The following EDC3 variants were observed in gnomAD, a reference collection of about 807,000 sequenced individuals.
The protein encoded by EDC3 is enhancer of mRNA-decapping protein 3.
EDC3 carries 20 observed loss-of-function variants against 41.8 expected under a neutral mutation model. That is an observed-to-expected ratio of 0.48 (90% CI 0.34 to 0.70). The LOEUF (loss-of-function observed/expected upper bound fraction) is 0.70. Among genes scored for constraint, EDC3 ranks in the 30% least tolerant of loss-of-function variants. The pLI is 0.01. For missense variants in EDC3, 444 were observed against 636.8 expected (o/e 0.70, Z 3.26); for synonymous variants, 206 against 243.2 (o/e 0.85, Z 1.42).
intron 1 of EDC3, among the ~76,000 whole-genome samples, chr15:74,687,367 T>C (rs1442082677): frequency 6.6e-6 from 1 of 152,116 alleles, no homozygotes; most frequent in Non-Finnish European, 1.5e-5. Context: ...ATACAGGCTT[T>C]TTTTTGTTAC....
At chr15:74,693,292 C>G (rs1485104848) in intron 1 of EDC3, among the ~76,000 whole-genome samples, 1 of 152,190 alleles carries the variant, frequency 6.6e-6, no homozygotes, top group African/African-American at 2.4e-5. Flanking sequence ...TATTATAGAA[C>G]TCCTGTGAGG....
chr15:74,633,613 G>C (rs2062238340), intron 6 of EDC3, among the ~76,000 whole-genome samples: 1 of 152,192 alleles, frequency 6.6e-6, no homozygotes, highest in Non-Finnish European at 1.5e-5. Context: ...ATTAGAAAAG[G>C]ATGTCTCAAC....
In EDC3 at chr15:74,671,460, T is replaced by C. The variant is rs1392162214; in HGVS notation, c.479A>G (p.Asn160Ser). The C allele has an allele frequency of 1.2e-6, 2 of 1,607,924 alleles. No individual in the cohort carries two copies. Among genetic ancestry groups the C allele is most frequent in the Non-Finnish European group, 1.7e-6 (2 of 1,174,876 alleles). Residue 160 changes from asparagine (N) to serine (S), a missense_variant, in exon 3 of 7, where the codon AAC (asparagine) becomes AGC (serine). Asn to Ser is a conservative substitution (Grantham distance 46). Coordinates refer to ENST00000315127, the MANE Select transcript of EDC3 (RefSeq NM_025083.5). This position sits in a 1 kb window ranked among gnomAD's most constrained non-coding sequence, Gnocchi z 4.6. ...ATCAACTTGACCCTACTTACAGGAG[T>C]TGTGCCGACGACGGAAACTTTTGGA... is the stretch of plus-strand genomic sequence containing the variant. ...SQSKSFRRRHNSWSSSSRHPN... is the reference protein window; with the variant it reads ...SQSKSFRRRHSSWSSSSRHPN...
intron 1 of EDC3, among the ~76,000 whole-genome samples, chr15:74,690,345 T>C (rs1423316775): frequency 6.6e-6 from 1 of 152,220 alleles, no homozygotes; most frequent in South Asian, 2.1e-4. Flanking sequence ...GATAAGCCTT[T>C]GGATAACAAA....
intron 3 of EDC3, among the ~76,000 whole-genome samples, chr15:74,667,793 T>A (rs1299247019): frequency 6.6e-6 from 1 of 151,612 alleles, no homozygotes; most frequent in East Asian, 1.9e-4. Context: ...AAGAGAGGAA[T>A]CTCTGGCATA....
intron 3 of EDC3, among the ~76,000 whole-genome samples, chr15:74,664,133 CAGGTCAGTA>C (rs1233860270): frequency 2.0e-5 from 3 of 152,214 alleles, no homozygotes; most frequent in Admixed American, 2.0e-4. Context: ...ACTGACATCA[CAGGTCAGTA>C]AGAGAAAGAT....
intron 6 of EDC3, 166 bp downstream of exon 6, chr15:74,635,243 A>C (rs755682568): frequency 9.7e-6 from 7 of 719,680 alleles, no homozygotes; most frequent in African/African-American, 5.2e-5. Flanking sequence ...GGAGAAGCAT[A>C]AGGGGATGGG....
intron 5 of EDC3, 123 bp downstream of exon 5, chr15:74,640,343 C>G (rs2062334367): frequency 7.1e-6 from 8 of 1,125,622 alleles, no homozygotes; most frequent in Non-Finnish European, 1.0e-5. Context: ...CAGAGAGACA[C>G]TCCCATCAGA....
At position 74,671,592 on chromosome 15, in the gene EDC3, T is replaced by G; in HGVS notation, c.347A>C (p.Asn116Thr). ...CTTCACATCTGTCCTCTTAGGGATA[T>G]TCTGAGGGGCACTGCTGGAAGAGGC... is the stretch of plus-strand genomic sequence containing the variant. The part of the protein sequence containing the change: ...KPASSSSAPQ[N>T]IPKRTDVKSQ... The change falls in exon 3 of 7, where the codon AAT becomes ACT. Residue 116 changes from asparagine (N) to threonine (T), a missense_variant. Physicochemically the swap from Asn to Thr is moderately conservative, Grantham distance 65. This residue lies in a region of EDC3 where 200 missense variants were observed against 244.0 expected (regional missense o/e 0.82). Coordinates refer to ENST00000315127, the MANE Select transcript of EDC3 (RefSeq NM_025083.5). This position sits in a 1 kb window ranked among gnomAD's most constrained non-coding sequence, Gnocchi z 4.6. The G allele has an allele frequency of 6.2e-7, 1 of 1,614,156 alleles. No homozygotes were observed. Among genetic ancestry groups the G allele is most frequent in the South Asian group, 1.1e-5 (1 of 91,082 alleles).
intron 1 of EDC3, among the ~76,000 whole-genome samples, chr15:74,684,084 G>GTTTTTTTTT (rs58548595): frequency 2.9e-5 from 3 of 103,054 alleles, no homozygotes; most frequent in African/African-American, 7.4e-5. Context: ...TTTTGTTTCT[G>GTTTTTTTTT]TTTTTTTTTT....
rs765293099 is a variant in EDC3 at position 74,631,835 on chromosome 15, G to A, written c.*777C>T. The stretch of plus-strand genomic sequence containing the variant: ...GCTCAACCTGCTCAGCTTTGAGGGT[G>A]GGGGCGGGCACTGCTGGCAAGATGG... On this transcript the variant is annotated 3_prime_UTR_variant, in exon 7 of 7. Transcript: ENST00000315127. 1 of 153,002 alleles carries A rather than the reference G, an allele frequency of 6.5e-6. No individual in the cohort carries two copies. The highest frequency in any genetic ancestry group is 6.5e-5 in the Admixed American group (1 of 15,290). 9.5% of individuals were successfully genotyped at this position (153,002 alleles called of 1,614,324 possible).
Position 74,656,004 on chromosome 15 carries a change from C to A in EDC3, c.549G>T (p.Gln183His). 1.2e-6 allele frequency: 2 copies of A among 1,613,908 alleles called. No individual in the cohort carries two copies. The highest frequency in any genetic ancestry group is 1.7e-6 in the Non-Finnish European group (2 of 1,180,006). The change falls in exon 4 of 7, where the codon CAG becomes CAT. Residue 183 changes from glutamine to histidine, a missense_variant. By Grantham distance (24) the Gln-to-His change is conservative. Around this residue, in one of 3 missense-constraint regions of EDC3, gnomAD observed 200 missense variants for 244.0 expected, o/e 0.82. Transcript: ENST00000315127. ...AGCACTCGTCATCTTTATTCTTCAT[C>A]TGGCCATTCTTTAAACCACTTTTCT... ...TPKKSGLKNG[Q>H]MKNKDDECFG...
chr15:74,663,514 G>C (rs1596318402), intron 3 of EDC3, among the ~76,000 whole-genome samples: 2 of 152,048 alleles, frequency 1.3e-5, no homozygotes, highest in Admixed American at 1.3e-4. Flanking sequence ...ATGCTGATTG[G>C]AGCATTTTGG....
intron 3 of EDC3, among the ~76,000 whole-genome samples, chr15:74,659,634 G>T (rs1004512617): frequency 6.6e-6 from 1 of 151,876 alleles, no homozygotes; most frequent in Non-Finnish European, 1.5e-5. Context: ...ACTTTGGGAG[G>T]CCAAGGTGGG....
At chr15:74,656,885 C>T (rs1288915699) in intron 3 of EDC3, among the ~76,000 whole-genome samples, 1 of 152,202 alleles carries the variant, frequency 6.6e-6, no homozygotes, top group African/African-American at 2.4e-5. Context: ...GGCTTGACTT[C>T]AGAGGGATAG....
At chr15:74,692,005 G>C (rs1483460385) in intron 1 of EDC3, among the ~76,000 whole-genome samples, 1 of 151,992 alleles carries the variant, frequency 6.6e-6, no homozygotes, top group Admixed American at 6.6e-5. Flanking sequence ...TTTTTTAGTA[G>C]AGGCGGGGTT....
intron 3 of EDC3, among the ~76,000 whole-genome samples, chr15:74,663,645 C>G (rs948606952): frequency 7.1e-6 from 1 of 141,558 alleles, no homozygotes; most frequent in Non-Finnish European, 1.5e-5. Flanking sequence ...AGATACGCAA[C>G]TTTTATTTGG....
chr15:74,668,912 T>C (rs2062708483), intron 3 of EDC3, among the ~76,000 whole-genome samples: 2 of 152,158 alleles, frequency 1.3e-5, no homozygotes, highest in South Asian at 4.1e-4. Context: ...CAAAGGAAAC[T>C]ACCTTGAAAC....
chr15:74,643,453 A>AT (rs2062377147), intron 4 of EDC3: 1 of 152,200 alleles, frequency 6.6e-6, no homozygotes, highest in Non-Finnish European at 1.5e-5. Context: ...GTATCAAGGA[A>AT]GACAACAAGT....
Sources: gnomAD v4.1 joint callset for allele counts (sites outside exome capture counted in the v4.1 genomes callset) on GRCh38, gnomAD v4.1.1 for gene constraint, gnomAD v4.1.1 regional missense constraint, Gnocchi (gnomAD v3.1) non-coding constraint, MANE v1.5 for transcripts, NCBI Gene and HGNC (gene_info 2026-07-23, HGNC 2026-07-21) for gene names.